CNTFR: variants seen among roughly 807,000 people sequenced by gnomAD.
CNTFR encodes ciliary neurotrophic factor receptor subunit alpha.
Under a neutral mutation model 40.4 loss-of-function variants are expected in CNTFR, and 12 were observed. The ratio of observed to expected loss-of-function variants is 0.30; its 90% CI spans 0.19 to 0.48. CNTFR has a LOEUF of 0.48. Ranked by LOEUF, CNTFR falls within the 20% of genes least tolerant of loss-of-function variation. CNTFR has a pLI of 0.99. For missense variants in CNTFR, 414 were observed against 506.8 expected, an observed-to-expected ratio of 0.82 and a Z score of 1.76; for synonymous variants, 202 against 209.6, an observed-to-expected ratio of 0.96 and a Z score of 0.31.
chr9:34,583,200 C>T (rs1479914676), intron 1 of CNTFR, among the ~76,000 whole-genome samples: 1 of 152,162 alleles, frequency 6.6e-6, no homozygotes, highest in Non-Finnish European at 1.5e-5. Flanking sequence ...GTGGAGGAGG[C>T]CATACTCCCA....
intron 4 of CNTFR, among the ~76,000 whole-genome samples, chr9:34,564,026 C>T (rs769823558): frequency 2.0e-5 from 3 of 152,192 alleles, no homozygotes; most frequent in Non-Finnish European, 2.9e-5. Context: ...CCCTCCCAGC[C>T]GCTGAGGCCT....
chr9:34,571,555 T>C (rs1826646742), intron 2 of CNTFR: 1 of 128,172 alleles, frequency 7.8e-6, no homozygotes, highest in Non-Finnish European at 1.7e-5. Context: ...CGTGCACGCG[T>C]GCGCATACAC....
rs141911069 is a variant in CNTFR, at chr9:34,585,908, C to T, written c.-112+3647G>A. On this transcript the variant is annotated intron_variant, in intron 1 of 9. Transcript: ENST00000378980. Reference sequence around the variant, plus strand: ...AAAGAAAATCCACTCCATATGTTTCCGATTCATTTACACTTCAACTCGCCA... The same window carrying T: ...AAAGAAAATCCACTCCATATGTTTCTGATTCATTTACACTTCAACTCGCCA... Among the ~76,000 whole-genome samples, 324 of 152,316 alleles carry T rather than the reference C, an allele frequency of 2.1e-3. 2 individuals carry two copies. Among genetic ancestry groups the T allele is most frequent in the African/African-American group, 7.3e-3 (304 of 41,562 alleles).
At chr9:34,582,922 A>C (rs796803065) in intron 1 of CNTFR, 12 of 152,446 alleles carry the variant, frequency 7.9e-5, no homozygotes, top group African/African-American at 2.4e-4. Context: ...AGACTGTGAA[A>C]GCAAGCAAGG....
intron 3 of CNTFR, 22 bp downstream of exon 3, chr9:34,568,875 G>C: frequency 6.4e-7 from 1 of 1,564,238 alleles, no homozygotes; most frequent in South Asian, 1.2e-5. Context: ...GGGGTCAGCA[G>C]GCGGCTCCCG....
intron 2 of CNTFR, among the ~76,000 whole-genome samples, chr9:34,578,631 C>G (rs1827119992): frequency 6.6e-6 from 1 of 152,236 alleles, no homozygotes; most frequent in Non-Finnish European, 1.5e-5. Context: ...CAAGGCCCAG[C>G]TCACTTTCCC....
intron 1 of CNTFR, among the ~76,000 whole-genome samples, chr9:34,585,821 C>T (rs1324563675): frequency 6.6e-6 from 1 of 152,186 alleles, no homozygotes; most frequent in Non-Finnish European, 1.5e-5. Flanking sequence ...TTCTCAGGCT[C>T]CTTGCTCTCC....
chr9:34,572,704 A>G (rs554173903), intron 2 of CNTFR, among the ~76,000 whole-genome samples: 37 of 152,378 alleles, frequency 2.4e-4, no homozygotes, highest in Non-Finnish European at 4.7e-4. Flanking sequence ...TTACACAATG[A>G]TAACAACACC....
At chr9:34,571,694 C>A (rs763220574) in intron 2 of CNTFR, among the ~76,000 whole-genome samples, 11 of 152,028 alleles carry the variant, frequency 7.2e-5, no homozygotes, top group African/African-American at 2.7e-4. Context: ...GCTGCAGCCA[C>A]GGGAGACGGG....
chr9:34,558,118 G>A, intron 4 of CNTFR, 134 bp from the exon 5 acceptor site: 2 of 593,922 alleles, frequency 3.4e-6, no homozygotes, highest in Non-Finnish European at 5.5e-6. Context: ...TGGCGGGGAG[G>A]CTGTCAGCGA....
At chr9:34,574,617 G>A (rs1038270974) in intron 2 of CNTFR, among the ~76,000 whole-genome samples, 3 of 152,200 alleles carry the variant, frequency 2.0e-5, no homozygotes, top group East Asian at 1.9e-4. Context: ...CCCAGCTCTC[G>A]ACGCTGGCTG....
chr9:34,558,945 C>T (rs1344473457), intron 4 of CNTFR, among the ~76,000 whole-genome samples: 1 of 152,178 alleles, frequency 6.6e-6, no homozygotes, highest in African/African-American at 2.4e-5. Context: ...AGCACTTAGC[C>T]CAGCTGTCCC....
chr9:34,557,358 A>G lies in CNTFR; in HGVS notation c.604+168T>C, dbSNP rs910556363. 4.6e-5 allele frequency among the ~76,000 whole-genome samples: 7 copies of G among 152,202 alleles called. No individual in the cohort carries two copies. Among genetic ancestry groups the G allele is most frequent in the Non-Finnish European group, 8.8e-5 (6 of 68,044 alleles). On this transcript the variant is annotated intron_variant, in intron 6 of 9. Transcript: ENST00000378980. This position sits in a 1 kb window ranked among gnomAD's most constrained non-coding sequence, Gnocchi z 4.2. ...CATTCACTTACACGTTCACAGGTGT[A>G]TATGTCATGCATATATGTGCACATA...
At chr9:34,587,572 C>T (rs1402588754) in intron 1 of CNTFR, among the ~76,000 whole-genome samples, 2 of 152,130 alleles carry the variant, frequency 1.3e-5, no homozygotes, top group African/African-American at 4.8e-5. Flanking sequence ...TCTGAGTGAG[C>T]TCCAGGGTCC....
chr9:34,575,259 A>G (rs1826894483), intron 2 of CNTFR, among the ~76,000 whole-genome samples: 1 of 152,158 alleles, frequency 6.6e-6, no homozygotes, highest in Non-Finnish European at 1.5e-5. Flanking sequence ...AGAATCAGGA[A>G]GCCCCCTCCA....
Position 34,589,683 on chromosome 9 carries a change from A to T in CNTFR, c.-240T>A. 6.4e-6 allele frequency: 1 copy of T among 156,936 alleles called. No individual in the cohort carries two copies. Among genetic ancestry groups the T allele is most frequent in the Non-Finnish European group, 1.4e-5 (1 of 72,464 alleles). 9.7% of individuals were successfully genotyped at this position (156,936 alleles called of 1,614,324 possible). On this transcript the variant is annotated 5_prime_UTR_variant, in exon 1 of 10. Transcript: ENST00000378980. This position sits in a 1 kb window ranked among gnomAD's most constrained non-coding sequence, Gnocchi z 4.4. ...CCGAGCCTCGCGCCGCGCCGGCTGG[A>T]GCCGCCGCCTCCGCTGCCGCCGCCG...
At position 34,568,974 on chromosome 9, in the gene CNTFR, G is replaced by A. The variant is rs772421469; in HGVS notation, c.8C>T (p.Ala3Val). MA[A>V]PVPWACCAVL... ...AGCACAGCAGGCCCACGGGACAGGA[G>A]CAGCCATCTGTTGGGAGAAACCGGG... Residue 3 changes from alanine to valine, a missense_variant, in exon 3 of 10, where the codon GCT (alanine) becomes GTT (valine). By Grantham distance (64) the Ala-to-Val change is moderately conservative (BLOSUM62 0). Transcript: ENST00000378980. 4 of 1,593,460 alleles carry A rather than the reference G, an allele frequency of 2.5e-6. No homozygotes were observed. In the African/African-American group the frequency reaches 4.0e-5, roughly 16 times the overall value.
At chr9:34,573,393 G>C (rs1288725106) in intron 2 of CNTFR, among the ~76,000 whole-genome samples, 1 of 152,236 alleles carries the variant, frequency 6.6e-6, no homozygotes, top group African/African-American at 2.4e-5. Flanking sequence ...GCGCACTTCA[G>C]GGTTTGGGTT....
At chr9:34,564,348 T>G (rs1020790079) in intron 4 of CNTFR, among the ~76,000 whole-genome samples, 10 of 152,130 alleles carry the variant, frequency 6.6e-5, no homozygotes, top group Admixed American at 6.5e-5. Flanking sequence ...TCAGAGGGAA[T>G]AGGGTTTTAG....
Sources: allele counts gnomAD v4.1 joint callset (sites outside exome capture counted in the v4.1 genomes callset), GRCh38; gene constraint gnomAD v4.1.1; non-coding constraint Gnocchi (gnomAD v3.1); transcripts MANE v1.5; gene names NCBI Gene and HGNC (gene_info 2026-07-23, HGNC 2026-07-21).